The following OSTN variants were observed in gnomAD, a reference collection of about 807,000 sequenced individuals.
The protein encoded by OSTN is osteocrin.
A neutral mutation model predicts 12.0 loss-of-function variants in OSTN; 9 were observed. The ratio of observed to expected loss-of-function variants is 0.75; its 90% CI spans 0.45 to 1.30. The LOEUF is 1.30. OSTN is among the 50% of genes most tolerant of loss of function. OSTN has a pLI of 0.00. For synonymous variants in OSTN, 59 were observed against 56.9 expected, an observed-to-expected ratio of 1.04 and a Z score of -0.16; for missense variants, 148 against 152.3, an observed-to-expected ratio of 0.97 and a Z score of 0.15.
rs181134884 is a variant in OSTN at position 191,218,849 on chromosome 3, G to T, written c.205G>T (p.Val69Leu). The T allele has an allele frequency of 1.5e-5, 25 of 1,614,080 alleles. No homozygotes were observed. In the East Asian group the frequency reaches 2.2e-4, roughly 14 times the overall value. The change falls in exon 3 of 5, where the codon GTG becomes TTG. Residue 69 changes from valine (V) to leucine (L), a missense_variant. Coordinates refer to ENST00000682035, the MANE Select transcript of OSTN (RefSeq NM_198184.2). ...AAAACTCTTGCTTCTTGATGAATTG[G>T]TGTCCCTAGAAAATGATGTGATTGA... ...TAKLLLLDEL[V>L]SLENDVIETK...
intron 3 of OSTN, among the ~76,000 whole-genome samples, chr3:191,222,211 G>C (rs1008020118): frequency 6.6e-6 from 1 of 152,200 alleles, no homozygotes; most frequent in African/African-American, 2.4e-5. Flanking sequence ...CTCCCACATA[G>C]AGTCCCCACT....
intron 1 of OSTN, among the ~76,000 whole-genome samples, chr3:191,207,870 T>C (rs1714318228): frequency 6.6e-6 from 1 of 152,236 alleles, no homozygotes; most frequent in South Asian, 2.1e-4. Context: ...ACCATCATTC[T>C]AGCCAGTTTG....
Position 191,262,946 on chromosome 3 carries a change from T to C in OSTN, c.*93T>C, listed in dbSNP as rs1715845278. The C allele has an allele frequency of 1.4e-6, 1 of 698,752 alleles. No individual in the cohort carries two copies. Among genetic ancestry groups the C allele is most frequent in the Non-Finnish European group, 2.6e-6 (1 of 382,370 alleles). The allele number at this position is 698,752 out of a possible 1,614,324, so 43.3% of individuals were successfully genotyped here. A position where few individuals can be genotyped will look rare whatever the true frequency, so the allele number is the denominator to read the frequency against. On this transcript the variant is annotated 3_prime_UTR_variant, in exon 5 of 5. Transcript: ENST00000682035. ...TATTCACACTTCTTAATGATTAAAC[T>C]TTTAAGGAACTGACCTTCTGCAAAT...
chr3:191,248,104 G>T (rs1311394168), intron 3 of OSTN, among the ~76,000 whole-genome samples: 5 of 152,074 alleles, frequency 3.3e-5, no homozygotes, highest in African/African-American at 1.2e-4. Flanking sequence ...AAAGCGCTGG[G>T]ATTACAGGCA....
intron 3 of OSTN, among the ~76,000 whole-genome samples, chr3:191,221,045 CT>C: frequency 6.6e-6 from 1 of 152,194 alleles, no homozygotes; most frequent in African/African-American, 2.4e-5. Context: ...GCTGAAGTTC[CT>C]GTGATAGTCA....
chr3:191,253,801 T>G (rs540559677), intron 4 of OSTN, among the ~76,000 whole-genome samples: 1 of 152,232 alleles, frequency 6.6e-6, no homozygotes, highest in Non-Finnish European at 1.5e-5. Flanking sequence ...GATCTACAGA[T>G]GCAAATTTCC....
intron 2 of OSTN, 152 bp from the exon 3 acceptor site, chr3:191,218,595 C>T: frequency 1.6e-6 from 1 of 637,396 alleles, no homozygotes; most frequent in South Asian, 2.0e-5. Context: ...TGCACCCCAA[C>T]CTTGACAACA....
intron 1 of OSTN, among the ~76,000 whole-genome samples, chr3:191,210,872 C>T (rs1482485238): frequency 1.3e-5 from 2 of 152,182 alleles, no homozygotes; most frequent in Non-Finnish European, 2.9e-5. Context: ...TAGAGCAATG[C>T]CCCATTTTAC....
intron 4 of OSTN, among the ~76,000 whole-genome samples, chr3:191,259,456 C>T (rs1331709592): frequency 6.7e-6 from 1 of 150,204 alleles, no homozygotes; most frequent in African/African-American, 2.4e-5. Flanking sequence ...CCGCCTTGGC[C>T]TCCCGAAGTG....
intron 3 of OSTN, among the ~76,000 whole-genome samples, chr3:191,230,687 C>A: frequency 6.6e-6 from 1 of 151,558 alleles, no homozygotes; most frequent in East Asian, 1.9e-4. Context: ...GAGTTGGGGT[C>A]ACAAAGGAAT....
intron 4 of OSTN, among the ~76,000 whole-genome samples, chr3:191,253,090 G>GT (rs1715596375): frequency 6.6e-6 from 1 of 152,158 alleles, no homozygotes; most frequent in Non-Finnish European, 1.5e-5. Context: ...GACCCAAAAG[G>GT]CCTTCTTGGT....
chr3:191,232,125 G>A (rs1715071700), intron 3 of OSTN, among the ~76,000 whole-genome samples: 1 of 151,924 alleles, frequency 6.6e-6, no homozygotes, highest in African/African-American at 2.4e-5. Context: ...GAGGTTAGGA[G>A]TTCGTGACCA....
chr3:191,249,412 G>A (rs1171853481), intron 3 of OSTN, among the ~76,000 whole-genome samples: 2 of 152,194 alleles, frequency 1.3e-5, no homozygotes, highest in East Asian at 3.8e-4. Context: ...ACCTTTGGTA[G>A]TACTGTGTGG....
At chr3:191,234,693 T>A (rs1715145511) in intron 3 of OSTN, 1 of 96,114 alleles carries the variant, frequency 1.0e-5, no homozygotes. Flanking sequence ...CGGGACACCA[T>A]CTGAAAAAAA....
intron 3 of OSTN, among the ~76,000 whole-genome samples, chr3:191,222,712 G>T (rs1189599472): frequency 6.6e-6 from 1 of 152,120 alleles, no homozygotes; most frequent in Admixed American, 6.5e-5. Flanking sequence ...GAATTATATG[G>T]TTTGTCTGTG....
chr3:191,209,221 T>C (rs1245610727), intron 1 of OSTN, among the ~76,000 whole-genome samples: 1 of 152,222 alleles, frequency 6.6e-6, no homozygotes, highest in African/African-American at 2.4e-5. Flanking sequence ...TACAGATATG[T>C]TCTTAGTACA....
chr3:191,233,389 A>G lies in OSTN; in HGVS notation c.317+14428A>G, dbSNP rs573154519. Among the ~76,000 whole-genome samples, 3 of 152,230 alleles carry G rather than the reference A, an allele frequency of 2.0e-5. No individual in the cohort carries two copies. The South Asian group carries it at 6.2e-4, about 32-fold the overall frequency. ...CTTTGAAGCCCAAAATATTTTTCTC[A>G]TTTCCATTCACTTGTTTAAAGTCTG... On this transcript the variant is annotated intron_variant, in intron 3 of 4. Coordinates refer to ENST00000682035, the MANE Select transcript of OSTN (RefSeq NM_198184.2).
intron 1 of OSTN, among the ~76,000 whole-genome samples, chr3:191,200,687 A>G (rs893746167): frequency 3.3e-5 from 5 of 152,286 alleles, no homozygotes; most frequent in South Asian, 2.1e-4. Context: ...GATACTGAGT[A>G]TAAAAATATT....
At chr3:191,205,954 G>C (rs1410900478) in intron 1 of OSTN, among the ~76,000 whole-genome samples, 1 of 152,154 alleles carries the variant, frequency 6.6e-6, no homozygotes, top group Non-Finnish European at 1.5e-5. Context: ...GGAGGCTGAG[G>C]CGAGTGGATC....
Sources: allele counts gnomAD v4.1 joint callset (sites outside exome capture counted in the v4.1 genomes callset), GRCh38; gene constraint gnomAD v4.1.1; transcripts MANE v1.5; gene names NCBI Gene and HGNC (gene_info 2026-07-23, HGNC 2026-07-21).